Variants in GRID2 observed in about 807,000 individuals in gnomAD.
GRID2 encodes the protein glutamate receptor ionotropic, delta-2.
Under a neutral mutation model 114.8 loss-of-function variants are expected in GRID2, and 33 were observed. The observed-to-expected ratio is 0.29, with a 90% confidence interval of 0.22 to 0.38. The LOEUF is 0.38. Ranked by LOEUF, GRID2 falls within the 10% of genes least tolerant of loss-of-function variation. The pLI, the probability that GRID2 is intolerant of heterozygous loss-of-function variation, is 1.00. For missense variants in GRID2, 1,184 were observed against 1,257.7 expected, an observed-to-expected ratio of 0.94 and a Z score of 0.89; for synonymous variants, 505 against 449.9, an observed-to-expected ratio of 1.12 and a Z score of -1.55.
At chr4:93,778,700 A>G (rs1734421055), downstream of GRID2, among the ~76,000 whole-genome samples, 1 of 152,238 alleles carries the variant, frequency 6.6e-6, no homozygotes, top group Middle Eastern at 3.4e-3. Flanking sequence ...GCCCAGTCTT[A>G]TATCATTTGA....
chr4:92,627,528 T>C (rs895734373), intron 2 of GRID2, among the ~76,000 whole-genome samples: 2 of 152,268 alleles, frequency 1.3e-5, no homozygotes, highest in South Asian at 4.1e-4. Flanking sequence ...CTATAGCCAA[T>C]TGATTCTCAC....
intron 2 of GRID2, among the ~76,000 whole-genome samples, chr4:92,825,753 G>A (rs561069050): frequency 6.6e-6 from 1 of 152,092 alleles, no homozygotes; most frequent in African/African-American, 2.4e-5. Context: ...AGCCAAGGCA[G>A]CCCATATGCA....
At chr4:93,187,716 G>A (rs1305802514) in intron 4 of GRID2, among the ~76,000 whole-genome samples, 1 of 152,164 alleles carries the variant, frequency 6.6e-6, no homozygotes, top group South Asian at 2.1e-4. Context: ...CTGTGAGCCT[G>A]TGAAATAAAA....
intron 2 of GRID2, among the ~76,000 whole-genome samples, chr4:92,966,236 A>T (rs920246752): frequency 6.6e-6 from 1 of 151,908 alleles, no homozygotes; most frequent in African/African-American, 2.4e-5. Flanking sequence ...TCAAGTCATG[A>T]CATAAGAAAA....
At position 93,429,717 on chromosome 4, in the gene GRID2, A is replaced by T. The variant is rs1261739024; in HGVS notation, c.1545+6749A>T. ...GGAGGAATAAGTGGACTAAATTATA[A>T]ATCTGTAAAATTAGGATAAAGTACT... is the stretch of plus-strand genomic sequence containing the variant. On this transcript the variant is annotated intron_variant, in intron 10 of 15. Coordinates refer to ENST00000282020, the MANE Select transcript of GRID2 (RefSeq NM_001510.4). 1.3e-5 allele frequency among the ~76,000 whole-genome samples: 2 copies of T among 152,166 alleles called. 1 individual carries two copies. The highest frequency in any genetic ancestry group is 6.3e-3 in the Middle Eastern group (2 of 316).
rs886185779 is a variant in GRID2, at chr4:93,122,890, G to GTT, written c.735+11958_735+11959dup. Among the ~76,000 whole-genome samples, 443 of 69,720 alleles carry GTT rather than the reference G, an allele frequency of 6.4e-3. 14 individuals are homozygous for GTT. The highest frequency in any genetic ancestry group is 0.018 in the African/African-American group (295 of 16,136). 45.7% of individuals were successfully genotyped at this position (69,720 alleles called of 152,430 possible). A position where few individuals can be genotyped will look rare whatever the true frequency, so the allele number is the denominator to read the frequency against. On this transcript the variant is annotated intron_variant, in intron 4 of 15. Coordinates refer to ENST00000282020, the MANE Select transcript of GRID2 (RefSeq NM_001510.4). ...GTTACTAGTCAATCCACAGATGTGG[G>GTT]TTTTTTTTTTTTTTTTTTTTTTGAT... is the stretch of plus-strand genomic sequence containing the variant.
intron 14 of GRID2, among the ~76,000 whole-genome samples, chr4:93,692,763 A>C (rs1726678121): frequency 6.6e-6 from 1 of 152,158 alleles, no homozygotes; most frequent in Non-Finnish European, 1.5e-5. Context: ...CACTTTATAC[A>C]TGTTTATAAA....
At chr4:92,507,415 T>A (rs1422221552) in intron 1 of GRID2, among the ~76,000 whole-genome samples, 1 of 149,244 alleles carries the variant, frequency 6.7e-6, no homozygotes, top group Non-Finnish European at 1.5e-5. Flanking sequence ...TCGTGTATAA[T>A]TGTGTGTGTG....
intron 2 of GRID2, among the ~76,000 whole-genome samples, chr4:92,995,330 G>T (rs1370411723): frequency 1.3e-5 from 2 of 152,154 alleles, no homozygotes; most frequent in Non-Finnish European, 2.9e-5. Flanking sequence ...GAGTGGCATT[G>T]TGGGAAGATG....
intron 2 of GRID2, among the ~76,000 whole-genome samples, chr4:92,975,480 A>G (rs919337659): frequency 6.6e-6 from 1 of 152,072 alleles, no homozygotes; most frequent in African/African-American, 2.4e-5. Context: ...ATGTATCAGT[A>G]CTTATCAATG....
chr4:93,727,454 G>T (rs1289243599), intron 14 of GRID2, among the ~76,000 whole-genome samples: 2 of 151,874 alleles, frequency 1.3e-5, no homozygotes, highest in Non-Finnish European at 2.9e-5. Context: ...TCTCTTTTTT[G>T]GTTGTGTCTC....
At chr4:93,391,350 C>G (rs1764836312) in intron 8 of GRID2, among the ~76,000 whole-genome samples, 1 of 152,158 alleles carries the variant, frequency 6.6e-6, no homozygotes, top group Non-Finnish European at 1.5e-5. Flanking sequence ...AAATGCTGCA[C>G]ATTTCTAAGT....
At chr4:92,445,351 C>A (rs949129704) in intron 1 of GRID2, among the ~76,000 whole-genome samples, 1 of 152,114 alleles carries the variant, frequency 6.6e-6, no homozygotes, top group Admixed American at 6.6e-5. Context: ...CTTCAAGTAC[C>A]ATATCAGCAT....
At chr4:92,872,873 T>A (rs1158279246) in intron 2 of GRID2, among the ~76,000 whole-genome samples, 1 of 152,204 alleles carries the variant, frequency 6.6e-6, no homozygotes, top group Non-Finnish European at 1.5e-5. Context: ...TCAAAGCTGT[T>A]TTGAAATAAT....
chr4:93,389,571 G>A (rs886465596), intron 8 of GRID2, among the ~76,000 whole-genome samples: 1 of 152,094 alleles, frequency 6.6e-6, no homozygotes, highest in Non-Finnish European at 1.5e-5. Context: ...ACAATACTAT[G>A]ATAAGAGCTA....
At chr4:93,729,926 G>A (rs928577535) in intron 14 of GRID2, among the ~76,000 whole-genome samples, 6 of 152,124 alleles carry the variant, frequency 3.9e-5, no homozygotes, top group African/African-American at 1.4e-4. Context: ...CAATTTCCAG[G>A]ACAGCAGAGA....
intron 4 of GRID2, among the ~76,000 whole-genome samples, chr4:93,168,956 T>C (rs1738527884): frequency 6.6e-6 from 1 of 152,120 alleles, no homozygotes; most frequent in Non-Finnish European, 1.5e-5. Context: ...TTTACCTTCT[T>C]AGTTCTAGGT....
At chr4:92,447,725 A>G (rs900214102) in intron 1 of GRID2, among the ~76,000 whole-genome samples, 1 of 152,176 alleles carries the variant, frequency 6.6e-6, no homozygotes, top group Non-Finnish European at 1.5e-5. Flanking sequence ...TGGTTCACAG[A>G]CAGTACCTTC....
intron 10 of GRID2, among the ~76,000 whole-genome samples, chr4:93,423,295 A>G (rs1272574644): frequency 2.6e-5 from 4 of 151,636 alleles, no homozygotes; most frequent in Admixed American, 6.6e-5. Flanking sequence ...ATGAAATCAC[A>G]ATGTAAGTTA....
Sources: gnomAD v4.1 joint callset for allele counts (sites outside exome capture counted in the v4.1 genomes callset) on GRCh38, gnomAD v4.1.1 for gene constraint, MANE v1.5 for transcripts, NCBI Gene and HGNC (gene_info 2026-07-23, HGNC 2026-07-21) for gene names.